Variants in DIP2A observed in about 807,000 individuals in gnomAD.
The protein encoded by DIP2A is DIP2 acetate--CoA ligase A.
Under a neutral mutation model 177.4 loss-of-function variants are expected in DIP2A, and 85 were observed. That is an observed-to-expected ratio of 0.48 (90% CI 0.40 to 0.57). The LOEUF (loss-of-function observed/expected upper bound fraction) is 0.57, where lower values mean the gene tolerates loss of function less well. DIP2A is among the 20% of genes least tolerant of loss of function. DIP2A has a pLI of 0.00. For missense variants in DIP2A, 1,791 were observed against 2,100.2 expected (o/e 0.85, Z 2.88); for synonymous variants, 886 against 881.8 (o/e 1.00, Z -0.08).
At chr21:46,499,041 T>TA (rs2057512101) in intron 5 of DIP2A, among the ~76,000 whole-genome samples, 1 of 152,236 alleles carries the variant, frequency 6.6e-6, no homozygotes, top group South Asian at 2.1e-4. Context: ...TTTGAGCTTT[T>TA]AATAATTGCA....
intron 3 of DIP2A, among the ~76,000 whole-genome samples, chr21:46,495,795 C>T (rs916903952): frequency 2.6e-5 from 4 of 151,972 alleles, no homozygotes; most frequent in South Asian, 4.1e-4. Flanking sequence ...AAAATTGGGC[C>T]AGGTGCGGTG....
At chr21:46,467,741 G>GT (rs1273517855) in intron 1 of DIP2A, among the ~76,000 whole-genome samples, 1 of 149,078 alleles carries the variant, frequency 6.7e-6, no homozygotes, top group Non-Finnish European at 1.5e-5. Flanking sequence ...TTTAGGTTTT[G>GT]TTTGTTTTTT....
rs959940904 is a variant in DIP2A at position 46,556,907 on chromosome 21, T to C, written c.3499-32T>C. ...TCTCCCCTCCTGAATTTCATTTCACTTTTTTTTTTTGAACTTTATTTTACT... is the reference window on the plus strand; with the variant it reads ...TCTCCCCTCCTGAATTTCATTTCACCTTTTTTTTTTGAACTTTATTTTACT... On this transcript the variant is annotated intron_variant, in intron 29 of 37. Transcript: ENST00000417564. This position sits in a 1 kb window ranked among gnomAD's most constrained non-coding sequence, Gnocchi z 4.5. The C allele has an allele frequency of 4.8e-6, 4 of 832,250 alleles. No individual in the cohort carries two copies. The highest frequency in any genetic ancestry group is 6.6e-6 in the Non-Finnish European group (4 of 603,926). The allele number at this position is 832,250 out of a possible 1,614,324, so 51.6% of individuals were successfully genotyped here. A position where few individuals can be genotyped will look rare whatever the true frequency, so the allele number is the denominator to read the frequency against.
chr21:46,535,247 T>C (rs962802585), intron 13 of DIP2A, among the ~76,000 whole-genome samples: 9 of 152,358 alleles, frequency 5.9e-5, no homozygotes, highest in South Asian at 2.1e-4. Flanking sequence ...GATACTTAAC[T>C]TGAGATATCT....
Position 46,511,552 on chromosome 21 carries a change from C to G in DIP2A, c.1040C>G (p.Pro347Arg), listed in dbSNP as rs1029649260. The G allele has an allele frequency of 6.3e-7, 1 of 1,598,538 alleles. No individual in the cohort carries two copies. Among genetic ancestry groups the G allele is most frequent in the Non-Finnish European group, 8.5e-7 (1 of 1,173,122 alleles). The change falls in exon 8 of 38, where the codon CCC becomes CGC. Residue 347 changes from proline to arginine, a missense_variant. Coordinates refer to ENST00000417564, the MANE Select transcript of DIP2A (RefSeq NM_015151.4). Reference sequence around the variant, plus strand: ...TTGCAGCGCTGGGGCACAACACAGCCCAAATCCCCCTGTCTGACTGCCTTG... The same window carrying G: ...TTGCAGCGCTGGGGCACAACACAGCGCAAATCCCCCTGTCTGACTGCCTTG... ...ATLQRWGTTQ[P>R]KSPCLTALDT...
At chr21:46,493,608 G>A (rs893235629) in intron 3 of DIP2A, among the ~76,000 whole-genome samples, 28 of 152,098 alleles carry the variant, frequency 1.8e-4, no homozygotes, top group Non-Finnish European at 1.6e-4. Flanking sequence ...TGTTACTACT[G>A]AGTATTGTCA....
chr21:46,479,990 C>T (rs2056219073), intron 1 of DIP2A, among the ~76,000 whole-genome samples: 1 of 151,640 alleles, frequency 6.6e-6, no homozygotes, highest in South Asian at 2.1e-4. Flanking sequence ...TGCCACCGTG[C>T]AAAATATTAC....
At chr21:46,554,085 C>G in intron 25 of DIP2A, 84 bp from the exon 26 acceptor site, 1 of 1,502,146 alleles carries the variant, frequency 6.7e-7, no homozygotes, top group Non-Finnish European at 9.0e-7. Context: ...TGTGCAGTGG[C>G]GTGCAGGTGG....
chr21:46,529,558 G>T (rs1052231524), intron 9 of DIP2A, among the ~76,000 whole-genome samples: 1 of 150,152 alleles, frequency 6.7e-6, no homozygotes, highest in Admixed American at 6.6e-5. Context: ...CCAAGATCTC[G>T]CCACTGCACT....
downstream of DIP2A, among the ~76,000 whole-genome samples, chr21:46,571,415 G>GT (rs1322609710): frequency 6.6e-6 from 1 of 152,172 alleles, no homozygotes; most frequent in African/African-American, 2.4e-5. Flanking sequence ...ATTTAAAGTA[G>GT]TTTTTTCTAA....
chr21:46,516,742 C>T (rs1462159228), intron 8 of DIP2A, among the ~76,000 whole-genome samples: 1 of 151,870 alleles, frequency 6.6e-6, no homozygotes, highest in Non-Finnish European at 1.5e-5. Flanking sequence ...ATCCACCTGC[C>T]TCGGCCTCCC....
Position 46,472,768 on chromosome 21 carries a change from T to C in DIP2A, c.92-11989T>C, listed in dbSNP as rs560813872. Among the ~76,000 whole-genome samples the C allele has an allele frequency of 1.6e-4, 25 of 152,236 alleles. No homozygotes were observed. The South Asian group carries it at 5.0e-3, about 30-fold the overall frequency. The stretch of plus-strand genomic sequence containing the variant: ...ATTCTCTGGAGTCTAGACAAGCTGG[T>C]TGAAACAAACTCAAATTCCTCCCTG... On this transcript the variant is annotated intron_variant, in intron 1 of 37. Transcript: ENST00000417564.
At chr21:46,551,174 A>G (rs958249810) in intron 23 of DIP2A, among the ~76,000 whole-genome samples, 2 of 152,196 alleles carry the variant, frequency 1.3e-5, no homozygotes, top group African/African-American at 4.8e-5. Context: ...CTCATTTTAT[A>G]CATTTAAAAG....
chr21:46,488,288 A>G (rs1001808619), intron 2 of DIP2A, among the ~76,000 whole-genome samples: 4 of 152,238 alleles, frequency 2.6e-5, no homozygotes, highest in Admixed American at 2.0e-4. Context: ...TTATAAAAAC[A>G]TACAATTCAG....
intron 6 of DIP2A, among the ~76,000 whole-genome samples, chr21:46,506,111 T>C (rs1020715263): frequency 1.3e-5 from 2 of 152,176 alleles, no homozygotes; most frequent in African/African-American, 4.8e-5. Flanking sequence ...AATTATATTG[T>C]AGGTGTATTT....
intron 3 of DIP2A, among the ~76,000 whole-genome samples, chr21:46,492,308 C>T (rs66514870): frequency 0.16 from 24,272 of 152,090 alleles, 2,205 homozygotes; most frequent in African/African-American, 0.21. Flanking sequence ...CATAAATGCG[C>T]GCATCTATTT....
At chr21:46,554,359 C>G in intron 26 of DIP2A, 67 bp downstream of exon 26, 1 of 1,588,086 alleles carries the variant, frequency 6.3e-7, no homozygotes, top group East Asian at 2.2e-5. Flanking sequence ...AAGCAGCCCC[C>G]TAGACACTCC....
At chr21:46,513,087 G>A (rs2058386078) in intron 8 of DIP2A, among the ~76,000 whole-genome samples, 2 of 130,438 alleles carry the variant, frequency 1.5e-5, no homozygotes, top group Admixed American at 8.5e-5. Context: ...AAGTCTTAAT[G>A]TAATCTAACT....
Position 46,517,531 on chromosome 21 carries a change from C to G in DIP2A, c.1102+5917C>G, listed in dbSNP as rs2058642101. Among the ~76,000 whole-genome samples the G allele has an allele frequency of 2.0e-5, 3 of 152,332 alleles. No individual in the cohort carries two copies. In the South Asian group the frequency reaches 6.2e-4, roughly 32 times the overall value. On this transcript the variant is annotated intron_variant, in intron 8 of 37. Transcript: ENST00000417564. Reference sequence around the variant, plus strand: ...ATGCCTGGCCCAGCCGGCCTTTGCTCTCCTCTGGCTCTCCTGGGCTTTCTG... The same window carrying G: ...ATGCCTGGCCCAGCCGGCCTTTGCTGTCCTCTGGCTCTCCTGGGCTTTCTG...
Sources: allele counts gnomAD v4.1 joint callset (sites outside exome capture counted in the v4.1 genomes callset), GRCh38; gene constraint gnomAD v4.1.1; non-coding constraint Gnocchi (gnomAD v3.1); transcripts MANE v1.5; gene names NCBI Gene and HGNC (gene_info 2026-07-23, HGNC 2026-07-21).